ATP7B: variants seen among roughly 807,000 people sequenced by gnomAD.
ATP7B encodes ATPase copper transporting beta, also known as copper-transporting ATPase 2.
Under a neutral mutation model 118.9 loss-of-function variants are expected in ATP7B, and 113 were observed. That is an observed-to-expected ratio of 0.95 (90% confidence interval 0.82 to 1.11). The LOEUF is 1.11. ATP7B is among the 50% of genes most tolerant of loss of function. The pLI, the probability that ATP7B is intolerant of heterozygous loss-of-function variation, is 0.00. For synonymous variants in ATP7B, 777 were observed against 727.4 expected (o/e 1.07, Z -1.10); for missense variants, 1,867 against 1,871.4 (o/e 1.00, Z 0.04).
chr13:51,934,535 G>T lies in ATP7B; in HGVS notation c.*221C>A, dbSNP rs886050305. ...AGTCCAAGACAAAGCCCATGCTGAC[G>T]GTCCCGTGAGGCCAAGAGGCAGGCA... On this transcript the variant is annotated 3_prime_UTR_variant, in exon 21 of 21. Transcript: ENST00000242839. The T allele has an allele frequency of 6.1e-6, 4 of 657,734 alleles. No individual in the cohort carries two copies. The highest frequency in any genetic ancestry group is 1.0e-5 in the Non-Finnish European group (4 of 385,412). The allele number at this position is 657,734 out of a possible 1,614,324, so 40.7% of individuals were successfully genotyped here. A position where few individuals can be genotyped will look rare whatever the true frequency, so the allele number is the denominator to read the frequency against.
chr13:51,967,621 T>C (rs1951628078), intron 4 of ATP7B, among the ~76,000 whole-genome samples: 1 of 152,192 alleles, frequency 6.6e-6, no homozygotes, highest in Non-Finnish European at 1.5e-5. Flanking sequence ...GAACACGGCT[T>C]ATCAGGAGCT....
chr13:51,932,979 G>C lies in ATP7B; in HGVS notation c.*1777C>G, dbSNP rs549879743. Reference sequence around the variant, plus strand: ...AATGTGCTGCGGGCTGGAGTGGGGGGGCTGAAAACAAGGAAAACACAATCA... The same window carrying C: ...AATGTGCTGCGGGCTGGAGTGGGGGCGCTGAAAACAAGGAAAACACAATCA... On this transcript the variant is annotated 3_prime_UTR_variant, in exon 21 of 21. Transcript: ENST00000242839. 1.3e-5 allele frequency: 2 copies of C among 152,080 alleles called. No homozygotes were observed. The highest frequency in any genetic ancestry group is 2.9e-5 in the Non-Finnish European group (2 of 68,022). 9.4% of individuals were successfully genotyped at this position (152,080 alleles called of 1,614,324 possible). A position where few individuals can be genotyped will look rare whatever the true frequency, so the allele number is the denominator to read the frequency against.
chr13:51,995,192 T>A (rs1291478160), intron 1 of ATP7B: 1 of 694,800 alleles, frequency 1.4e-6, no homozygotes, highest in East Asian at 1.3e-4. Context: ...ACATTCACAC[T>A]CTCATTCCGC....
intron 3 of ATP7B, 74 bp from the exon 4 acceptor site, chr13:51,968,681 A>C: frequency 6.5e-7 from 1 of 1,530,618 alleles, no homozygotes; most frequent in Non-Finnish European, 9.0e-7. Context: ...AATATAACCG[A>C]ACAAAGAAAC....
chr13:51,974,090 A>G lies in ATP7B; in HGVS notation c.1130T>C (p.Ile377Thr), dbSNP rs1566594791. 1 of 1,614,108 alleles carries G rather than the reference A, an allele frequency of 6.2e-7. No homozygotes were observed. The highest frequency in any genetic ancestry group is 8.5e-7 in the Non-Finnish European group (1 of 1,180,026). Residue 377 changes from isoleucine (I) to threonine (T), a missense_variant, in exon 2 of 21, where the codon ATT becomes ACT. By Grantham distance (89) the Ile-to-Thr change is moderately conservative. Transcript: ENST00000242839. ...GMTCASCVHS[I>T]EGMISQLEGV... is the part of the protein sequence containing the mutation. ...TTCCAGTTGGGAGATCATGCCTTCA[A>G]TGGAATGGACACAGGATGCACAGGT...
chr13:51,958,502 G>A lies in ATP7B; in HGVS notation c.2164C>T (p.Leu722=). Residue 722 remains leucine (L), a synonymous_variant, in exon 8 of 21, where the codon CTG becomes TTG. Coordinates refer to ENST00000242839, the MANE Select transcript of ATP7B (RefSeq NM_000053.4). Reference sequence around the variant, plus strand: ...TCCATGTTGGCTGACCTGTGTCTCAGAGATTTGTAGGCCTGAACGTAGAAG... The same window carrying A: ...TCCATGTTGGCTGACCTGTGTCTCAAAGATTTGTAGGCCTGAACGTAGAAG... ...WYFYVQAYKS[L]RHRSANMDVL... The A allele has an allele frequency of 6.2e-7, 1 of 1,614,226 alleles. No individual in the cohort carries two copies. Among genetic ancestry groups the A allele is most frequent in the Non-Finnish European group, 8.5e-7 (1 of 1,180,044 alleles).
chr13:51,983,500 A>T (rs1386897156), intron 1 of ATP7B, among the ~76,000 whole-genome samples: 1 of 152,128 alleles, frequency 6.6e-6, no homozygotes, highest in Non-Finnish European at 1.5e-5. Context: ...GCAGTCTCAA[A>T]GGTCCCTGCC....
chr13:51,991,494 G>A (rs1413684500), intron 1 of ATP7B, among the ~76,000 whole-genome samples: 6 of 151,702 alleles, frequency 4.0e-5, no homozygotes, highest in Admixed American at 6.6e-5. Context: ...AGACCCTGTC[G>A]GGAAAAAAAC....
At chr13:51,951,887 C>A (rs1349854790) in intron 9 of ATP7B, among the ~76,000 whole-genome samples, 1 of 152,118 alleles carries the variant, frequency 6.6e-6, no homozygotes, top group Non-Finnish European at 1.5e-5. Flanking sequence ...TGGTGAGAGA[C>A]TGAAATGAGG....
At chr13:51,950,426 C>A in intron 9 of ATP7B, 27 bp from the exon 10 acceptor site, 1 of 1,612,946 alleles carries the variant, frequency 6.2e-7, no homozygotes, top group Non-Finnish European at 8.5e-7. Flanking sequence ...TTATCACTCA[C>A]ATGGCCACTC....
chr13:51,958,628 G>A, intron 7 of ATP7B, 84 bp from the exon 8 acceptor site: 3 of 1,196,258 alleles, frequency 2.5e-6, no homozygotes, highest in Non-Finnish European at 3.7e-6. Context: ...CCTGGGGATG[G>A]CAAAGCCTCT....
At position 51,937,679 on chromosome 13, in the gene ATP7B, C is replaced by A. The variant is rs193922108; in HGVS notation, c.3700G>T (p.Val1234Phe). The change falls in exon 18 of 21, where the codon GTT becomes TTT. Residue 1234 changes from valine (V) to phenylalanine (F), a missense_variant and splice_region_variant. Val to Phe is a conservative substitution (Grantham distance 50). Transcript: ENST00000242839. The part of the protein sequence containing the change: ...RKTARAIATQ[V>F]GINKVFAEVL... ...TCTGCAAAGACTTTGTTGATGCCAACCTAAGACAAAAGGAAGGCAATGCCT... is the reference window on the plus strand; with the variant it reads ...TCTGCAAAGACTTTGTTGATGCCAAACTAAGACAAAAGGAAGGCAATGCCT... The A allele has an allele frequency of 9.3e-6, 15 of 1,614,054 alleles. No individual in the cohort carries two copies. The highest frequency in any genetic ancestry group is 1.3e-5 in the African/African-American group (1 of 74,938).
intron 15 of ATP7B, among the ~76,000 whole-genome samples, 160 bp from the exon 16 acceptor site, chr13:51,941,384 A>AT (rs1957324025): frequency 6.6e-6 from 1 of 152,226 alleles, no homozygotes; most frequent in East Asian, 1.9e-4. Flanking sequence ...CAAAAAAAAA[A>AT]AAAGTAAAAT....
intron 9 of ATP7B, among the ~76,000 whole-genome samples, chr13:51,955,304 G>A (rs897280659): frequency 2.6e-5 from 4 of 152,168 alleles, no homozygotes; most frequent in African/African-American, 9.7e-5. Flanking sequence ...CCTAGACTGC[G>A]GCAATCCAGG....
Position 51,974,950 on chromosome 13 carries a change from CT to C in ATP7B, c.269del (p.Lys90ArgfsTer11), listed in dbSNP as rs1416363049. 1 of 1,614,230 alleles carries C rather than the reference CT, an allele frequency of 6.2e-7. No homozygotes were observed. The highest frequency in any genetic ancestry group is 1.1e-5 in the South Asian group (1 of 91,086). ...ISNLKGIISM[K>X]VSLEQGSATV... Reference sequence around the variant, plus strand: ...TGGCACTGCCTTGTTCCAGGGAAACCTTCATGCTGATGATGCCTTTCAAATT... The same window carrying C: ...TGGCACTGCCTTGTTCCAGGGAAACCTCATGCTGATGATGCCTTTCAAATT... On this transcript the variant is annotated frameshift_variant, in exon 2 of 21. Coordinates refer to ENST00000242839, the MANE Select transcript of ATP7B (RefSeq NM_000053.4). LOFTEE classifies it high-confidence loss of function.
At chr13:51,966,345 T>C (rs1020669883) in intron 4 of ATP7B, among the ~76,000 whole-genome samples, 4 of 152,198 alleles carry the variant, frequency 2.6e-5, no homozygotes, top group Non-Finnish European at 4.4e-5. Context: ...GCCACTGCCA[T>C]CTGCAGCATG....
At chr13:51,995,782 T>A (rs1198791453) in intron 1 of ATP7B, among the ~76,000 whole-genome samples, 2 of 152,154 alleles carry the variant, frequency 1.3e-5, no homozygotes, top group Non-Finnish European at 2.9e-5. Flanking sequence ...CTTTTGTTTA[T>A]CTACAACCGT....
At chr13:51,975,643 C>T (rs766932766) in intron 1 of ATP7B, 6 of 469,962 alleles carry the variant, frequency 1.3e-5, no homozygotes, top group South Asian at 6.1e-5. Context: ...GAATAGTCAA[C>T]ACCTTACTTC....
At chr13:52,011,020 C>T (rs192576613) in intron 1 of ATP7B, among the ~76,000 whole-genome samples, 1 of 152,366 alleles carries the variant, frequency 6.6e-6, no homozygotes, top group African/African-American at 2.4e-5. Flanking sequence ...AGCAACTCGA[C>T]GCTCACTTTA....
Sources: allele counts gnomAD v4.1 joint callset (sites outside exome capture counted in the v4.1 genomes callset), GRCh38; gene constraint gnomAD v4.1.1; transcripts MANE v1.5; gene names NCBI Gene and HGNC (gene_info 2026-07-23, HGNC 2026-07-21).